ZNF407: variants seen among roughly 807,000 people sequenced by gnomAD.
The protein encoded by ZNF407 is zinc finger protein 407.
In ZNF407, 17 loss-of-function variants were observed where a neutral mutation model predicts 131.2. The observed-to-expected ratio is 0.13, with a 90% confidence interval of 0.09 to 0.19. The LOEUF (loss-of-function observed/expected upper bound fraction) is 0.19, where lower values mean the gene tolerates loss of function less well. Among genes scored for constraint, ZNF407 ranks in the 10% least tolerant of loss-of-function variants. ZNF407 has a pLI of 1.00. For synonymous variants in ZNF407, 1,156 were observed against 1,062.0 expected, an observed-to-expected ratio of 1.09 and a Z score of -1.72; for missense variants, 2,681 against 2,830.6, an observed-to-expected ratio of 0.95 and a Z score of 1.20.
chr18:74,654,103 G>A (rs755165797), intron 3 of ZNF407, among the ~76,000 whole-genome samples: 11 of 151,732 alleles, frequency 7.2e-5, no homozygotes, highest in Non-Finnish European at 1.5e-4. Context: ...TTCTGCTGCT[G>A]ATCATTTCTA....
At chr18:74,700,443 T>A (rs1490473226) in intron 3 of ZNF407, among the ~76,000 whole-genome samples, 8 of 152,172 alleles carry the variant, frequency 5.3e-5, no homozygotes, top group Non-Finnish European at 1.2e-4. Flanking sequence ...ATCAGAGGTG[T>A]GATGTCACTG....
At chr18:74,930,638 T>A (rs957368718) in intron 8 of ZNF407, among the ~76,000 whole-genome samples, 2 of 152,208 alleles carry the variant, frequency 1.3e-5, no homozygotes, top group Non-Finnish European at 2.9e-5. Context: ...TTTCTTTTTA[T>A]CATTGTGGAG....
At position 74,849,052 on chromosome 18, in the gene ZNF407, C is replaced by CTTTTTTTTT. The variant is rs35529971; in HGVS notation, c.4878-28139_4878-28131dup. ...TGGTGACTTTGGGCTACTTTTGTTT[C>CTTTTTTTTT]TTTTTTTTTTTTTTATTTTTTATTT... On this transcript the variant is annotated intron_variant, in intron 4 of 8. Coordinates refer to ENST00000299687, the MANE Select transcript of ZNF407 (RefSeq NM_017757.3). 8.1e-4 allele frequency among the ~76,000 whole-genome samples: 100 copies of CTTTTTTTTT among 122,878 alleles called. 5 individuals are homozygous for CTTTTTTTTT. The highest frequency in any genetic ancestry group is 1.3e-3 in the Admixed American group (15 of 11,376). The allele number at this position is 122,878 out of a possible 152,430, so 80.6% of individuals were successfully genotyped here.
At chr18:74,791,673 GC>G (rs1969828340) in intron 4 of ZNF407, among the ~76,000 whole-genome samples, 1 of 152,090 alleles carries the variant, frequency 6.6e-6, no homozygotes, top group Non-Finnish European at 1.5e-5. Flanking sequence ...ATTCTGTGAT[GC>G]CTTCCCTAGA....
intron 1 of ZNF407, among the ~76,000 whole-genome samples, chr18:74,612,714 G>T (rs1478902768): frequency 6.6e-6 from 1 of 152,194 alleles, no homozygotes; most frequent in Non-Finnish European, 1.5e-5. Flanking sequence ...ATTGCATCTT[G>T]CAGTGACTCT....
At chr18:75,032,122 C>G (rs762789604) in intron 8 of ZNF407, among the ~76,000 whole-genome samples, 2 of 152,178 alleles carry the variant, frequency 1.3e-5, no homozygotes, top group African/African-American at 2.4e-5. Context: ...GAGCTCCCCC[C>G]ACACTGAGGG....
intron 3 of ZNF407, among the ~76,000 whole-genome samples, chr18:74,763,189 T>C (rs1384650082): frequency 8.2e-6 from 1 of 121,672 alleles, no homozygotes; most frequent in Non-Finnish European, 1.7e-5. Context: ...GAGCATCTTC[T>C]TAGGACCTTT....
chr18:74,743,512 T>C (rs1361079091), intron 3 of ZNF407, among the ~76,000 whole-genome samples: 1 of 152,158 alleles, frequency 6.6e-6, no homozygotes, highest in Non-Finnish European at 1.5e-5. Flanking sequence ...AATTACTAAA[T>C]CAGATAAGGA....
chr18:74,947,643 C>T (rs1163513863), intron 8 of ZNF407, among the ~76,000 whole-genome samples: 1 of 152,190 alleles, frequency 6.6e-6, no homozygotes, highest in Non-Finnish European at 1.5e-5. Context: ...ATCACACTAG[C>T]GTCCCAGGTA....
At chr18:75,041,683 T>C (rs560821179) in intron 8 of ZNF407, among the ~76,000 whole-genome samples, 6 of 152,046 alleles carry the variant, frequency 3.9e-5, no homozygotes, top group Admixed American at 1.3e-4. Context: ...AATGTGCAGC[T>C]CTAGTGTAAC....
At position 74,956,371 on chromosome 18, in the gene ZNF407, G is replaced by A. The variant is rs373927643; in HGVS notation, c.5428+35679G>A. Among the ~76,000 whole-genome samples, 13 of 151,950 alleles carry A rather than the reference G, an allele frequency of 8.6e-5. No individual in the cohort carries two copies. In the East Asian group the frequency reaches 2.3e-3, roughly 27 times the overall value. On this transcript the variant is annotated intron_variant, in intron 8 of 8. Coordinates refer to ENST00000299687, the MANE Select transcript of ZNF407 (RefSeq NM_017757.3). Reference sequence around the variant, plus strand: ...TCCTCTATTCCAAGGGGATAATAAGGTTTTTGGCAGCCATTCTGTTTTATT... The same window carrying A: ...TCCTCTATTCCAAGGGGATAATAAGATTTTTGGCAGCCATTCTGTTTTATT...
chr18:74,603,202 G>T (rs556440694), intron 1 of ZNF407, among the ~76,000 whole-genome samples: 4 of 152,320 alleles, frequency 2.6e-5, no homozygotes, highest in Admixed American at 2.6e-4. Context: ...CACTCACTGT[G>T]CTGCACAGAT....
At chr18:74,605,873 C>T (rs1982782451) in intron 1 of ZNF407, among the ~76,000 whole-genome samples, 1 of 152,190 alleles carries the variant, frequency 6.6e-6, no homozygotes, top group African/African-American at 2.4e-5. Flanking sequence ...TAGTGTTGGA[C>T]TAGTGTGACA....
intron 6 of ZNF407, among the ~76,000 whole-genome samples, chr18:74,887,554 T>G (rs958821026): frequency 1.3e-5 from 2 of 152,150 alleles, no homozygotes; most frequent in Admixed American, 1.3e-4. Flanking sequence ...AACCATGAAT[T>G]ATTTTATGTT....
At chr18:74,650,194 G>A (rs529671975) in intron 3 of ZNF407, among the ~76,000 whole-genome samples, 1 of 152,242 alleles carries the variant, frequency 6.6e-6, no homozygotes, top group Admixed American at 6.5e-5. Flanking sequence ...GTGCCCATTG[G>A]CAGAATAATT....
chr18:74,879,800 A>G (rs933220616), intron 5 of ZNF407, among the ~76,000 whole-genome samples: 3 of 152,226 alleles, frequency 2.0e-5, no homozygotes, highest in Non-Finnish European at 4.4e-5. Context: ...CTCTTTAAGT[A>G]TATGTGTTCG....
intron 3 of ZNF407, among the ~76,000 whole-genome samples, chr18:74,655,130 T>C (rs1302960507): frequency 2.0e-5 from 3 of 152,044 alleles, no homozygotes; most frequent in African/African-American, 7.2e-5. Flanking sequence ...TTAAACTGTG[T>C]AGAAAATGCA....
At chr18:74,889,787 G>A (rs1457685091) in intron 6 of ZNF407, 131 bp from the exon 7 acceptor site, 3 of 749,698 alleles carry the variant, frequency 4.0e-6, no homozygotes, top group African/African-American at 3.6e-5. Flanking sequence ...TCCTAAGTGT[G>A]TGGAGTCCAT....
intron 7 of ZNF407, among the ~76,000 whole-genome samples, chr18:74,912,320 C>A (rs1971685209): frequency 6.6e-6 from 1 of 151,994 alleles, no homozygotes; most frequent in African/African-American, 2.4e-5. Flanking sequence ...CAACCACTGT[C>A]CCGTGAGTGA....
Sources: gnomAD v4.1 joint callset for allele counts (sites outside exome capture counted in the v4.1 genomes callset) on GRCh38, gnomAD v4.1.1 for gene constraint, MANE v1.5 for transcripts, NCBI Gene and HGNC (gene_info 2026-07-23, HGNC 2026-07-21) for gene names.